SMURF2: variants seen among roughly 807,000 people sequenced by gnomAD.
SMURF2 encodes SMAD specific E3 ubiquitin protein ligase 2.
Under a neutral mutation model 109.6 loss-of-function variants are expected in SMURF2, and 48 were observed. The ratio of observed to expected loss-of-function variants is 0.44; its 90% confidence interval spans 0.35 to 0.56. The LOEUF is 0.56. SMURF2 is among the 20% of genes least tolerant of loss of function. The probability of loss-of-function intolerance (pLI) is 0.01; values close to 1 mark genes in which losing one functional copy is unlikely to be tolerated. For missense variants in SMURF2, 575 were observed against 909.0 expected, an observed-to-expected ratio of 0.63 and a Z score of 4.72; for synonymous variants, 288 against 317.1, an observed-to-expected ratio of 0.91 and a Z score of 0.97.
intron 1 of SMURF2, among the ~76,000 whole-genome samples, chr17:64,632,565 T>C (rs1970365754): frequency 6.6e-6 from 1 of 152,198 alleles, no homozygotes; most frequent in African/African-American, 2.4e-5. Flanking sequence ...TCAAAACACA[T>C]AGTCAGCCTA....
At chr17:64,628,116 G>A (rs932738385) in intron 1 of SMURF2, among the ~76,000 whole-genome samples, 5 of 152,150 alleles carry the variant, frequency 3.3e-5, no homozygotes, top group African/African-American at 9.7e-5. Context: ...TGGTGATTCC[G>A]CTGACTTTAT....
intron 1 of SMURF2, among the ~76,000 whole-genome samples, chr17:64,648,885 T>C (rs1389201379): frequency 1.3e-5 from 2 of 152,212 alleles, no homozygotes; most frequent in African/African-American, 2.4e-5. Context: ...TATAGTTTTT[T>C]TTCCATCCTT....
intron 1 of SMURF2, among the ~76,000 whole-genome samples, chr17:64,658,249 C>A (rs536056584): frequency 6.6e-6 from 1 of 151,948 alleles, no homozygotes; most frequent in East Asian, 1.9e-4. Flanking sequence ...CCCACCTACT[C>A]GGGAGGCTGA....
At position 64,595,019 on chromosome 17, in the gene SMURF2, A is replaced by G. The variant is rs188174648; in HGVS notation, c.201-1446T>C. ...AAAAGAAAAAAAAAAGTTACGTTAA[A>G]CCAGTTGTCCAACTAGTAAGCCTGG... On this transcript the variant is annotated intron_variant, in intron 3 of 18. Coordinates refer to ENST00000262435, the MANE Select transcript of SMURF2 (RefSeq NM_022739.4). 3.0e-3 allele frequency among the ~76,000 whole-genome samples: 459 copies of G among 152,146 alleles called. 1 individual carries two copies. Among genetic ancestry groups the G allele is most frequent in the African/African-American group, 0.011 (440 of 41,514 alleles).
chr17:64,622,355 T>C (rs1159194202), intron 1 of SMURF2, among the ~76,000 whole-genome samples: 2 of 152,292 alleles, frequency 1.3e-5, no homozygotes, highest in Non-Finnish European at 2.9e-5. Flanking sequence ...TTATTATACA[T>C]TAATATTATA....
At chr17:64,594,764 A>G (rs1353819985) in intron 3 of SMURF2, among the ~76,000 whole-genome samples, 1 of 152,158 alleles carries the variant, frequency 6.6e-6, no homozygotes, top group Non-Finnish European at 1.5e-5. Flanking sequence ...AGGCAGGCAG[A>G]TCACCAGAGG....
chr17:64,630,038 C>T (rs1196067606), intron 1 of SMURF2, among the ~76,000 whole-genome samples: 2 of 152,000 alleles, frequency 1.3e-5, no homozygotes, highest in Non-Finnish European at 2.9e-5. Context: ...GAGTTCGAAA[C>T]GAGCCTGGCC....
intron 6 of SMURF2, among the ~76,000 whole-genome samples, chr17:64,584,516 G>A (rs1555686889): frequency 2.0e-5 from 3 of 151,380 alleles, no homozygotes; most frequent in Non-Finnish European, 1.5e-5. Flanking sequence ...ACACCACCAC[G>A]CCTGGCTACT....
chr17:64,627,420 G>A (rs900007746), intron 1 of SMURF2, among the ~76,000 whole-genome samples: 7 of 152,076 alleles, frequency 4.6e-5, no homozygotes, highest in African/African-American at 1.4e-4. Flanking sequence ...CTGGCCTTAA[G>A]CCATTAAGTT....
chr17:64,626,307 G>T (rs1426241529), intron 1 of SMURF2, among the ~76,000 whole-genome samples: 3 of 151,528 alleles, frequency 2.0e-5, no homozygotes, highest in Non-Finnish European at 4.4e-5. Context: ...ATTCATGAAG[G>T]GTCATACATG....
chr17:64,566,786 G>A (rs1555685056), intron 10 of SMURF2, among the ~76,000 whole-genome samples: 1 of 150,698 alleles, frequency 6.6e-6, no homozygotes, highest in East Asian at 1.9e-4. Context: ...TGGCCAGGCT[G>A]GTCTCAAACT....
At chr17:64,646,679 G>A (rs1970564024) in intron 1 of SMURF2, among the ~76,000 whole-genome samples, 1 of 152,086 alleles carries the variant, frequency 6.6e-6, no homozygotes, top group Admixed American at 6.6e-5. Context: ...ACCACTCCTG[G>A]CCCTATAAAA....
intron 1 of SMURF2, among the ~76,000 whole-genome samples, chr17:64,650,204 C>CTTT (rs34557504): frequency 3.0e-5 from 4 of 132,616 alleles, no homozygotes; most frequent in South Asian, 2.4e-4. Context: ...TAAGACTTGC[C>CTTT]TTTTTTTTTT....
At chr17:64,561,810 A>G (rs1254819329) in intron 11 of SMURF2, among the ~76,000 whole-genome samples, 1 of 151,754 alleles carries the variant, frequency 6.6e-6, no homozygotes, top group Non-Finnish European at 1.5e-5. Context: ...CAGCCTGGGC[A>G]ACATAGTGAA....
In SMURF2 at chr17:64,662,030, C is replaced by A. The variant is rs1970788468; in HGVS notation, c.-150G>T. ...GGGTCCCGGATGTGCCGAGAGTCGT[C>A]GCCATGAGCCGCGGAGGGAGCGGGA... On this transcript the variant is annotated 5_prime_UTR_variant, in exon 1 of 19. Transcript: ENST00000262435. 9.0e-7 allele frequency: 1 copy of A among 1,115,722 alleles called. No individual in the cohort carries two copies. Among genetic ancestry groups the A allele is most frequent in the Admixed American group, 5.0e-5 (1 of 19,924 alleles). The allele number at this position is 1,115,722 out of a possible 1,614,324, so 69.1% of individuals were successfully genotyped here.
chr17:64,643,974 C>A (rs7211178), intron 1 of SMURF2, among the ~76,000 whole-genome samples: 1 of 151,750 alleles, frequency 6.6e-6, no homozygotes, highest in Admixed American at 6.6e-5. Context: ...TATAGGTGCG[C>A]GCCACCAAGC....
chr17:64,551,492 C>G (rs1428535505), intron 16 of SMURF2, 92 bp downstream of exon 16: 21 of 1,364,470 alleles, frequency 1.5e-5, no homozygotes, highest in Non-Finnish European at 2.0e-5. Context: ...TTAGAAAGCA[C>G]CAGAAATATG....
chr17:64,660,899 G>A (rs1199173611), intron 1 of SMURF2: 1 of 152,012 alleles, frequency 6.6e-6, no homozygotes, highest in Non-Finnish European at 1.5e-5. Flanking sequence ...TAAGCAAAAC[G>A]TACCTGTAAT....
rs59615203 is a variant in SMURF2 at position 64,613,567 on chromosome 17, G to A, written c.53-6927C>T. ...AGGAGAGAAATCTTGTTAGGTGGGC[G>A]AGGCCAGAACAAAGGCTATGGGGTA... On this transcript the variant is annotated intron_variant, in intron 1 of 18. Transcript: ENST00000262435. 9.1e-3 allele frequency among the ~76,000 whole-genome samples: 1,388 copies of A among 152,022 alleles called. 27 individuals carry two copies. Among genetic ancestry groups the A allele is most frequent in the African/African-American group, 0.032 (1,313 of 41,458 alleles).
Sources: allele counts gnomAD v4.1 joint callset (sites outside exome capture counted in the v4.1 genomes callset), GRCh38; gene constraint gnomAD v4.1.1; transcripts MANE v1.5; gene names NCBI Gene and HGNC (gene_info 2026-07-23, HGNC 2026-07-21).